The following KDM4B variants were observed in gnomAD, a reference collection of about 807,000 sequenced individuals.
KDM4B encodes lysine-specific demethylase 4B.
Under a neutral mutation model 125.2 loss-of-function variants are expected in KDM4B, and 32 were observed. The observed-to-expected ratio is 0.26, with a 90% confidence interval of 0.19 to 0.34. The LOEUF (loss-of-function observed/expected upper bound fraction) is 0.34, where lower values mean the gene tolerates loss of function less well. Among genes scored for constraint, KDM4B ranks in the 10% least tolerant of loss-of-function variants. The pLI is 1.00. For missense variants in KDM4B, 1,190 were observed against 1,577.7 expected, an observed-to-expected ratio of 0.75 and a Z score of 4.16; for synonymous variants, 721 against 677.9, an observed-to-expected ratio of 1.06 and a Z score of -0.99.
At chr19:5,106,977 C>T (rs915592954) in intron 9 of KDM4B, among the ~76,000 whole-genome samples, 1 of 152,186 alleles carries the variant, frequency 6.6e-6, no homozygotes, top group Non-Finnish European at 1.5e-5. Context: ...GAGAATGCGG[C>T]GTATTTGGGA....
At chr19:4,979,239 C>T (rs577317197) in intron 1 of KDM4B, among the ~76,000 whole-genome samples, 7 of 152,252 alleles carry the variant, frequency 4.6e-5, no homozygotes, top group South Asian at 2.1e-4. Flanking sequence ...GCCATGATTA[C>T]ACCACTGCAC....
intron 5 of KDM4B, chr19:5,047,123 A>C (rs1008957403): frequency 3.7e-5 from 7 of 187,676 alleles, no homozygotes; most frequent in Admixed American, 1.1e-4. Context: ...GTGAGACTTC[A>C]TCTCTACACA....
chr19:5,035,490 C>T lies in KDM4B; in HGVS notation c.141+2459C>T, dbSNP rs976474951. ...CCGGCTCTCTCTGCCCTCCACGTGG[C>T]GGCCTTGGGTGCAGCCTGGGTTCCC... On this transcript the variant is annotated intron_variant, in intron 3 of 22. Coordinates refer to ENST00000159111, the MANE Select transcript of KDM4B (RefSeq NM_015015.3). This position sits in a 1 kb window ranked among gnomAD's most constrained non-coding sequence, Gnocchi z 5.3. Among the ~76,000 whole-genome samples the T allele has an allele frequency of 2.0e-5, 3 of 152,242 alleles. No homozygotes were observed. Among genetic ancestry groups the T allele is most frequent in the South Asian group, 4.2e-4 (2 of 4,812 alleles).
intron 1 of KDM4B, among the ~76,000 whole-genome samples, chr19:4,983,055 T>C (rs900185326): frequency 6.6e-6 from 1 of 152,180 alleles, no homozygotes; most frequent in Non-Finnish European, 1.5e-5. Flanking sequence ...GAACCCAGTA[T>C]ACCCCCAGTT....
chr19:5,021,897 G>A (rs1233737710), intron 2 of KDM4B, among the ~76,000 whole-genome samples: 1 of 152,166 alleles, frequency 6.6e-6, no homozygotes, highest in African/African-American at 2.4e-5. Context: ...TCCTCCCAAA[G>A]TGTTGGGATT....
chr19:5,005,916 C>T (rs745894535), intron 1 of KDM4B, among the ~76,000 whole-genome samples: 6 of 152,134 alleles, frequency 3.9e-5, no homozygotes, highest in African/African-American at 9.7e-5. Flanking sequence ...CCTCCTCTGG[C>T]GGAGGTGAGT....
chr19:5,061,131 G>A (rs570825972), intron 6 of KDM4B, among the ~76,000 whole-genome samples: 2 of 152,306 alleles, frequency 1.3e-5, no homozygotes, highest in South Asian at 4.1e-4. Flanking sequence ...GCCACCCATG[G>A]CCACCGTGCC....
chr19:4,985,559 A>AG (rs2034798153), intron 1 of KDM4B, among the ~76,000 whole-genome samples: 1 of 152,224 alleles, frequency 6.6e-6, no homozygotes, highest in East Asian at 1.9e-4. Context: ...CCTGCTGTGC[A>AG]GGCTGGGGCT....
At chr19:5,067,548 C>T (rs996243994) in intron 6 of KDM4B, among the ~76,000 whole-genome samples, 2 of 142,166 alleles carry the variant, frequency 1.4e-5, no homozygotes, top group African/African-American at 2.6e-5. Context: ...TCAGCCCTTG[C>T]GGGGTCCCGG....
Position 5,001,783 on chromosome 19 carries a change from C to T in KDM4B, c.-108-14474C>T, listed in dbSNP as rs1242691946. Among the ~76,000 whole-genome samples the T allele has an allele frequency of 2.6e-5, 4 of 152,264 alleles. No individual in the cohort carries two copies. In the East Asian group the frequency reaches 5.8e-4, roughly 22 times the overall value. The stretch of plus-strand genomic sequence containing the variant: ...CAATCCCAGTGCTGAGAAATGGGGG[C>T]TCAGTGGAGTTCTAATGATTGTTCC... On this transcript the variant is annotated intron_variant, in intron 1 of 22. Coordinates refer to ENST00000159111, the MANE Select transcript of KDM4B (RefSeq NM_015015.3).
At chr19:4,974,738 CA>C (rs796667578) in intron 1 of KDM4B, among the ~76,000 whole-genome samples, 946 of 69,290 alleles carry the variant, frequency 0.014, 5 homozygotes, top group African/African-American at 0.032. Flanking sequence ...ACTCTGTCTC[CA>C]AAAAAAAAAA....
In KDM4B at chr19:5,146,756, C is replaced by CT. The variant is rs1248201804; in HGVS notation, c.3021+1854_3021+1855insT. 1.5e-3 allele frequency among the ~76,000 whole-genome samples: 96 copies of CT among 62,560 alleles called. 7 individuals carry two copies. The highest frequency in any genetic ancestry group is 3.0e-3 in the Non-Finnish European group (87 of 28,768). The allele number at this position is 62,560 out of a possible 152,430, so 41.0% of individuals were successfully genotyped here. A position where few individuals can be genotyped will look rare whatever the true frequency, so the allele number is the denominator to read the frequency against. On this transcript the variant is annotated intron_variant, in intron 21 of 22. Coordinates refer to ENST00000159111, the MANE Select transcript of KDM4B (RefSeq NM_015015.3). Reference sequence around the variant, plus strand: ...AGCCTGGGCAACAAAGTGAGACCCCCCCCCCCCCCACAATCTCTACAAAAA... The same window carrying CT: ...AGCCTGGGCAACAAAGTGAGACCCCCTCCCCCCCCCACAATCTCTACAAAAA...
chr19:5,144,343 G>A lies in KDM4B; in HGVS notation c.2832G>A (p.Ser944=), dbSNP rs761828045. ...GCTGTCGCGTCATCGGTGCCGCCTC[G>A]CAGACCTGCTACGAAGTGAACTTCG... ...YYRCRVIGAA[S]QTCYEVNFDD... Residue 944 remains serine (S), a synonymous_variant, in exon 20 of 23, where the codon TCG becomes TCA. Coordinates refer to ENST00000159111, the MANE Select transcript of KDM4B (RefSeq NM_015015.3). The A allele has an allele frequency of 5.8e-6, 9 of 1,556,232 alleles. No homozygotes were observed. The highest frequency in any genetic ancestry group is 3.5e-5 in the South Asian group (3 of 84,826).
At position 5,144,313 on chromosome 19, in the gene KDM4B, C is replaced by T. The variant is rs1428076946; in HGVS notation, c.2802C>T (p.Tyr934=). 2 of 1,588,046 alleles carry T rather than the reference C, an allele frequency of 1.3e-6. No individual in the cohort carries two copies. Among genetic ancestry groups the T allele is most frequent in the East Asian group, 4.6e-5 (2 of 43,530 alleles). Residue 934 remains tyrosine, a synonymous_variant, in exon 20 of 23, where the codon TAC becomes TAT. Coordinates refer to ENST00000159111, the MANE Select transcript of KDM4B (RefSeq NM_015015.3). ...TCACCAAGAACCGCAACGGGCTGTA[C>T]TACCGCTGTCGCGTCATCGGTGCCG... ...VVITKNRNGL[Y]YRCRVIGAAS... is the part of the protein sequence containing the mutation.
intron 9 of KDM4B, among the ~76,000 whole-genome samples, chr19:5,107,970 C>T (rs1248215958): frequency 6.6e-6 from 1 of 152,238 alleles, no homozygotes; most frequent in Non-Finnish European, 1.5e-5. Flanking sequence ...CCAGCCGCCA[C>T]CTCCTTCCAG....
intron 12 of KDM4B, 23 bp downstream of exon 12, chr19:5,131,568 G>A: frequency 2.2e-6 from 2 of 904,508 alleles, no homozygotes; most frequent in Admixed American, 2.5e-5. Context: ...GGGGGAGGCA[G>A]GGAGGAGGGG....
intron 1 of KDM4B, among the ~76,000 whole-genome samples, chr19:4,989,078 G>A (rs1217350788): frequency 2.6e-5 from 4 of 152,182 alleles, no homozygotes; most frequent in African/African-American, 4.8e-5. Flanking sequence ...CCTTGCCTCC[G>A]CTTCCTTGTC....
intron 13 of KDM4B, among the ~76,000 whole-genome samples, chr19:5,133,613 T>C (rs572034164): frequency 5.3e-5 from 8 of 152,100 alleles, no homozygotes; most frequent in Admixed American, 4.6e-4. Context: ...AGAGGAACCA[T>C]GTTTGGGGGC....
intron 5 of KDM4B, chr19:5,047,001 A>G (rs1474568497): frequency 6.5e-6 from 1 of 154,400 alleles, no homozygotes; most frequent in African/African-American, 2.4e-5. Context: ...GCCCTTCAGA[A>G]AAGGTGTCTG....
Sources: gnomAD v4.1 joint callset for allele counts (sites outside exome capture counted in the v4.1 genomes callset) on GRCh38, gnomAD v4.1.1 for gene constraint, Gnocchi (gnomAD v3.1) non-coding constraint, MANE v1.5 for transcripts, NCBI Gene and HGNC (gene_info 2026-07-23, HGNC 2026-07-21) for gene names.